Variants in PCDHGA11 observed in about 807,000 individuals in gnomAD.
PCDHGA11 encodes protocadherin gamma-A11.
A neutral mutation model predicts 60.4 loss-of-function variants in PCDHGA11; 39 were observed. That is an observed-to-expected ratio of 0.65 (90% CI 0.50 to 0.84). The LOEUF is 0.84. Ranked by LOEUF, PCDHGA11 falls within the 40% of genes least tolerant of loss-of-function variation. The pLI, the probability that PCDHGA11 is intolerant of heterozygous loss-of-function variation, is 0.00. For missense variants in PCDHGA11, 1,165 were observed against 1,197.7 expected, an observed-to-expected ratio of 0.97 and a Z score of 0.40; for synonymous variants, 533 against 510.3, an observed-to-expected ratio of 1.04 and a Z score of -0.60.
Position 141,485,575 on chromosome 5 carries a change from G to C in PCDHGA11, c.2434-9232G>C, listed in dbSNP as rs1200831125. On this transcript the variant is annotated intron_variant, in intron 1 of 3. Coordinates refer to ENST00000398587, the MANE Select transcript of PCDHGA11 (RefSeq NM_018914.3). This position sits in a 1 kb window ranked among gnomAD's most constrained non-coding sequence, Gnocchi z 5.7. ...TGAATGATCACGCCCCCCGTTTTCC[G>C]CGGCAGCAGCTGGACTTGGAAATTG... 2 of 1,612,496 alleles carry C rather than the reference G, an allele frequency of 1.2e-6. No homozygotes were observed. The highest frequency in any genetic ancestry group is 2.7e-5 in the African/African-American group (2 of 74,918).
rs201458212 is a variant in PCDHGA11 at position 141,487,439 on chromosome 5, T to A, written c.2434-7368T>A. On this transcript the variant is annotated intron_variant, in intron 1 of 3. Coordinates refer to ENST00000398587, the MANE Select transcript of PCDHGA11 (RefSeq NM_018914.3). The surrounding 1 kb of genome is among the most constrained non-coding windows in gnomAD (Gnocchi z 5.0). ...TGGGATCCTCCGAATCCAGCTAGGG[T>A]CAGATGACCCTATCAAGTTTGTTGA... The A allele has an allele frequency of 1.5e-4, 242 of 1,613,808 alleles. No individual in the cohort carries two copies. Among genetic ancestry groups the A allele is most frequent in the Non-Finnish European group, 1.9e-4 (230 of 1,179,978 alleles).
Position 141,431,205 on chromosome 5 carries a change from A to T in PCDHGA11, c.2433+7545A>T, listed in dbSNP as rs1438031040. ...AAAATTAGTGAAAATGCAGCCACTG[A>T]GATGCGGTTCCCTCTACCCCACGCC... On this transcript the variant is annotated intron_variant, in intron 1 of 3. Transcript: ENST00000398587. This position sits in a 1 kb window ranked among gnomAD's most constrained non-coding sequence, Gnocchi z 4.8. 1.1e-5 allele frequency: 18 copies of T among 1,614,092 alleles called. No homozygotes were observed. Among genetic ancestry groups the T allele is most frequent in the Non-Finnish European group, 1.5e-5 (18 of 1,180,056 alleles).
At chr5:141,450,998 T>C (rs2098703513) in intron 1 of PCDHGA11, among the ~76,000 whole-genome samples, 1 of 151,696 alleles carries the variant, frequency 6.6e-6, no homozygotes, top group Non-Finnish European at 1.5e-5. Flanking sequence ...CTAATTTTTT[T>C]GTATTTTTTT....
rs770596172 is a variant in PCDHGA11, at chr5:141,487,664, G to A, written c.2434-7143G>A. ...AATGCTTGAGGGTTATTCTGATCCA[G>A]GCATATGGCTAGGCCATGTCCTAGA... On this transcript the variant is annotated intron_variant, in intron 1 of 3. Transcript: ENST00000398587. The surrounding 1 kb of genome is among the most constrained non-coding windows in gnomAD (Gnocchi z 5.0). 1.9e-5 allele frequency: 31 copies of A among 1,613,048 alleles called. No individual in the cohort carries two copies. The South Asian group carries it at 3.4e-4, about 18-fold the overall frequency.
In PCDHGA11 at chr5:141,472,980, C is replaced by CAAAA. The variant is rs60579131; in HGVS notation, c.2434-21813_2434-21810dup. ...CAGCCTGGGGAACAAGAGTGAAACT[C>CAAAA]AAAAAAAAAAAAAAAAAGAAAGAAA... On this transcript the variant is annotated intron_variant, in intron 1 of 3. Transcript: ENST00000398587. 5.5e-3 allele frequency among the ~76,000 whole-genome samples: 472 copies of CAAAA among 85,978 alleles called. 4 individuals carry two copies. The highest frequency in any genetic ancestry group is 0.013 in the Admixed American group (104 of 8,158). The allele number at this position is 85,978 out of a possible 152,430, so 56.4% of individuals were successfully genotyped here. A position where few individuals can be genotyped will look rare whatever the true frequency, so the allele number is the denominator to read the frequency against.
intron 1 of PCDHGA11, among the ~76,000 whole-genome samples, chr5:141,474,061 T>A (rs2099339173): frequency 1.3e-5 from 2 of 152,058 alleles, no homozygotes; most frequent in Admixed American, 6.6e-5. Flanking sequence ...CAGAGCGAGA[T>A]CCTGCCTCAG....
Position 141,444,232 on chromosome 5 carries a change from C to T in PCDHGA11, c.2433+20572C>T, listed in dbSNP as rs1411172798. Among the ~76,000 whole-genome samples the T allele has an allele frequency of 2.5e-5, 3 of 122,350 alleles. No individual in the cohort carries two copies. In the Admixed American group the frequency reaches 3.3e-4, roughly 14 times the overall value. The allele number at this position is 122,350 out of a possible 152,430, so 80.3% of individuals were successfully genotyped here. ...TGTTGCCCAGGCTGGAGTGCAATGG[C>T]ATGCTCTCGGCTCACTGCAACCTCC... is the stretch of plus-strand genomic sequence containing the variant. On this transcript the variant is annotated intron_variant, in intron 1 of 3. Coordinates refer to ENST00000398587, the MANE Select transcript of PCDHGA11 (RefSeq NM_018914.3).
In PCDHGA11 at chr5:141,486,565, T is replaced by C; in HGVS notation, c.2434-8242T>C. ...TTCAGAGGTCACATGAGGTGTTTGT[T>C]CCTGAGAACAATCGCCCAGGGGACC... On this transcript the variant is annotated intron_variant, in intron 1 of 3. Coordinates refer to ENST00000398587, the MANE Select transcript of PCDHGA11 (RefSeq NM_018914.3). The surrounding 1 kb of genome is among the most constrained non-coding windows in gnomAD (Gnocchi z 5.0). 6.2e-7 allele frequency: 1 copy of C among 1,614,024 alleles called. No homozygotes were observed. Among genetic ancestry groups the C allele is most frequent in the Non-Finnish European group, 8.5e-7 (1 of 1,180,032 alleles).
Position 141,431,826 on chromosome 5 carries a change from TTCCCGAAAACTC to T in PCDHGA11, c.2433+8171_2433+8182del, listed in dbSNP as rs755346532. ...GTCCTCACCTCTCTCGCCAGCTCGGTTCCCGAAAACTCTCCCAGAGGGACATTAATTGCCCTT... is the reference window on the plus strand; with the variant it reads ...GTCCTCACCTCTCTCGCCAGCTCGGTTCCCAGAGGGACATTAATTGCCCTT... On this transcript the variant is annotated intron_variant, in intron 1 of 3. Transcript: ENST00000398587. The surrounding 1 kb of genome is among the most constrained non-coding windows in gnomAD (Gnocchi z 4.8). The T allele has an allele frequency of 4.3e-6, 7 of 1,614,102 alleles. No individual in the cohort carries two copies. Among genetic ancestry groups the T allele is most frequent in the Admixed American group, 1.7e-5 (1 of 60,006 alleles).
At chr5:141,475,892 G>A (rs1279219556) in intron 1 of PCDHGA11, 1 of 568,264 alleles carries the variant, frequency 1.8e-6, no homozygotes, top group Non-Finnish European at 3.1e-6. Context: ...GGGACTCTGT[G>A]TGCCGCTGTC....
At chr5:141,479,486 A>T (rs72790065) in intron 1 of PCDHGA11, 21,264 of 152,292 alleles carry the variant, frequency 0.14, 1,529 homozygotes, top group Admixed American at 0.16. Context: ...GGGCAGGACC[A>T]TCAGGTTGCC....
At chr5:141,424,078 T>C in intron 1 of PCDHGA11, 1 of 975,828 alleles carries the variant, frequency 1.0e-6, no homozygotes, top group South Asian at 4.8e-5. Context: ...GTAGTTATAT[T>C]CCACCATTAT....
intron 2 of PCDHGA11, among the ~76,000 whole-genome samples, chr5:141,505,066 G>A (rs1312509903): frequency 6.6e-6 from 1 of 152,190 alleles, no homozygotes; most frequent in Non-Finnish European, 1.5e-5. Flanking sequence ...GGAGACTGAG[G>A]CAGGAGAATC....
intron 1 of PCDHGA11, chr5:141,479,290 T>C (rs1045200175): frequency 1.3e-5 from 2 of 152,438 alleles, no homozygotes; most frequent in Non-Finnish European, 2.9e-5. Flanking sequence ...AAAATAAATC[T>C]AGGCAACCCA....
chr5:141,462,202 C>T (rs188546035), intron 1 of PCDHGA11, among the ~76,000 whole-genome samples: 1,522 of 152,002 alleles, frequency 0.01, 33 homozygotes, highest in African/African-American at 0.034. Flanking sequence ...TCAGGTGATC[C>T]GCCTGCCTCG....
At chr5:141,505,154 C>T (rs1443235547) in intron 2 of PCDHGA11, among the ~76,000 whole-genome samples, 2 of 152,028 alleles carry the variant, frequency 1.3e-5, no homozygotes, top group Non-Finnish European at 2.9e-5. Flanking sequence ...AGAGTAAGAC[C>T]CTGTCTAAAA....
At chr5:141,434,658 T>C (rs1243599957) in intron 1 of PCDHGA11, among the ~76,000 whole-genome samples, 2 of 152,198 alleles carry the variant, frequency 1.3e-5, no homozygotes, top group African/African-American at 2.4e-5. Flanking sequence ...ATCTAATATC[T>C]ATAGAAATGA....
At position 141,489,257 on chromosome 5, in the gene PCDHGA11, T is replaced by TC. The variant is rs773157586; in HGVS notation, c.2434-5547dup. The stretch of plus-strand genomic sequence containing the variant: ...TTCTGGGTCATGGGGCCCAAGACAC[T>TC]CCCACAGCTCGCTGGGAAATGGCAA... On this transcript the variant is annotated intron_variant, in intron 1 of 3. Coordinates refer to ENST00000398587, the MANE Select transcript of PCDHGA11 (RefSeq NM_018914.3). The surrounding 1 kb of genome is among the most constrained non-coding windows in gnomAD (Gnocchi z 4.5). 1 of 1,550,308 alleles carries TC rather than the reference T, an allele frequency of 6.5e-7. No homozygotes were observed. Among genetic ancestry groups the TC allele is most frequent in the Non-Finnish European group, 8.7e-7 (1 of 1,148,342 alleles).
intron 1 of PCDHGA11, among the ~76,000 whole-genome samples, chr5:141,492,108 C>T (rs1331001233): frequency 2.6e-5 from 4 of 152,232 alleles, no homozygotes; most frequent in African/African-American, 9.6e-5. Flanking sequence ...TAGATTTCCT[C>T]TTCGATTTCT....
Sources: allele counts gnomAD v4.1 joint callset (sites outside exome capture counted in the v4.1 genomes callset), GRCh38; gene constraint gnomAD v4.1.1; non-coding constraint Gnocchi (gnomAD v3.1); transcripts MANE v1.5; gene names NCBI Gene and HGNC (gene_info 2026-07-23, HGNC 2026-07-21).